IMPG2: variants seen among roughly 807,000 people sequenced by gnomAD.
IMPG2 encodes the protein interphotoreceptor matrix proteoglycan 2, also known as IPM 200.
A neutral mutation model predicts 129.2 loss-of-function variants in IMPG2; 91 were observed. The observed-to-expected ratio is 0.70, with a 90% CI of 0.59 to 0.84. IMPG2 has a LOEUF of 0.84. Ranked by LOEUF, IMPG2 falls within the 40% of genes least tolerant of loss-of-function variation. The pLI is 0.00. For missense variants in IMPG2, 1,430 were observed against 1,461.7 expected (o/e 0.98, Z 0.35); for synonymous variants, 510 against 517.7 (o/e 0.99, Z 0.20).
chr3:101,271,578 G>A (rs1478047676), intron 7 of IMPG2, among the ~76,000 whole-genome samples: 2 of 152,094 alleles, frequency 1.3e-5, no homozygotes, highest in Non-Finnish European at 2.9e-5. Flanking sequence ...TAACTAACTT[G>A]GCCAAGGTCA....
At chr3:101,245,761 G>T in intron 12 of IMPG2, 41 bp downstream of exon 12, 1 of 1,562,808 alleles carries the variant, frequency 6.4e-7, no homozygotes, top group Non-Finnish European at 8.8e-7. Flanking sequence ...CCCTGTCATC[G>T]GATACAATAA....
Position 101,275,684 on chromosome 3 carries a change from G to C in IMPG2, c.645C>G (p.Ser215Arg), listed in dbSNP as rs1706833136. The C allele has an allele frequency of 1.5e-5, 25 of 1,613,358 alleles. No homozygotes were observed. Among genetic ancestry groups the C allele is most frequent in the Non-Finnish European group, 1.9e-5 (22 of 1,179,438 alleles). The change falls in exon 6 of 19, where the codon AGC becomes AGG. Residue 215 changes from serine to arginine, a missense_variant. Ser to Arg is a moderately radical substitution (Grantham distance 110). Transcript: ENST00000193391. ...VDAYEGASES[S>R]LERPEESISN... ...TCACACTCTCCTCTGGCCTTTCCAA[G>C]CTGCTCTCTGAGGCACCTTCATAGG...
chr3:101,292,202 C>T (rs1707025714), intron 3 of IMPG2, among the ~76,000 whole-genome samples: 1 of 152,140 alleles, frequency 6.6e-6, no homozygotes, highest in South Asian at 2.1e-4. Flanking sequence ...TTCTAAATAC[C>T]TCTCATTGCA....
At chr3:101,280,463 C>A (rs1191770345) in intron 4 of IMPG2, among the ~76,000 whole-genome samples, 1 of 152,118 alleles carries the variant, frequency 6.6e-6, no homozygotes, top group Non-Finnish European at 1.5e-5. Flanking sequence ...CTCTGGGCCT[C>A]AAAAACTTAC....
chr3:101,249,109 C>T lies in IMPG2; in HGVS notation c.1240-3004G>A, dbSNP rs1316094226. Reference sequence around the variant, plus strand: ...AGCTGTCAGTGGGCTCTAGTAACAGCATTTCCTCTCCTTCCTCTGTAATCC... The same window carrying T: ...AGCTGTCAGTGGGCTCTAGTAACAGTATTTCCTCTCCTTCCTCTGTAATCC... On this transcript the variant is annotated intron_variant, in intron 11 of 18. Transcript: ENST00000193391. 2.6e-5 allele frequency among the ~76,000 whole-genome samples: 4 copies of T among 152,214 alleles called. No individual in the cohort carries two copies. The South Asian group carries it at 8.3e-4, about 32-fold the overall frequency.
chr3:101,295,984 A>T (rs1444607657), intron 3 of IMPG2, among the ~76,000 whole-genome samples: 1 of 152,154 alleles, frequency 6.6e-6, no homozygotes, highest in Non-Finnish European at 1.5e-5. Flanking sequence ...GGTTTTCTAA[A>T]CATAGAACCA....
At chr3:101,301,985 T>C (rs902680953) in intron 3 of IMPG2, among the ~76,000 whole-genome samples, 4 of 152,198 alleles carry the variant, frequency 2.6e-5, no homozygotes, top group Non-Finnish European at 4.4e-5. Flanking sequence ...TTATCCATTG[T>C]TTTAGTCTGA....
chr3:101,301,037 T>C lies in IMPG2; in HGVS notation c.501+3109A>G, dbSNP rs1309551037. On this transcript the variant is annotated intron_variant, in intron 3 of 18. Coordinates refer to ENST00000193391, the MANE Select transcript of IMPG2 (RefSeq NM_016247.4). ...AACTGGCCTAATCTCAATATTGCTG[T>C]AACTCAGGGAATAGGGAGGCCTGAG... Among the ~76,000 whole-genome samples the C allele has an allele frequency of 3.3e-5, 5 of 152,224 alleles. No homozygotes were observed. The East Asian group carries it at 9.6e-4, about 29-fold the overall frequency.
At chr3:101,305,695 C>T (rs1345273084) in intron 2 of IMPG2, among the ~76,000 whole-genome samples, 1 of 152,042 alleles carries the variant, frequency 6.6e-6, no homozygotes, top group African/African-American at 2.4e-5. Flanking sequence ...TACACACATA[C>T]ATACATACAC....
intron 9 of IMPG2, among the ~76,000 whole-genome samples, chr3:101,263,919 C>T (rs1706695955): frequency 1.4e-5 from 2 of 147,880 alleles, no homozygotes; most frequent in Non-Finnish European, 3.0e-5. Flanking sequence ...GACATCACAT[C>T]AAATACCACA....
At chr3:101,317,403 T>C (rs2058791332) in intron 2 of IMPG2, among the ~76,000 whole-genome samples, 1 of 152,128 alleles carries the variant, frequency 6.6e-6, no homozygotes, top group Non-Finnish European at 1.5e-5. Context: ...CAACTAGCAA[T>C]TGATACCAAA....
intron 4 of IMPG2, among the ~76,000 whole-genome samples, chr3:101,282,261 A>G (rs1356799454): frequency 6.6e-6 from 1 of 152,172 alleles, no homozygotes; most frequent in Non-Finnish European, 1.5e-5. Context: ...ATTCAAGCGG[A>G]GAAAGATAGG....
At chr3:101,258,290 A>C (rs549729118) in intron 9 of IMPG2, among the ~76,000 whole-genome samples, 1 of 152,260 alleles carries the variant, frequency 6.6e-6, no homozygotes, top group South Asian at 2.1e-4. Context: ...ATTTTCCTTT[A>C]AAATGTTGTG....
At chr3:101,308,302 C>T (rs985861457) in intron 2 of IMPG2, among the ~76,000 whole-genome samples, 5 of 152,204 alleles carry the variant, frequency 3.3e-5, no homozygotes, top group Non-Finnish European at 7.3e-5. Context: ...CCCCACATTT[C>T]CCTTCCACAC....
At chr3:101,281,658 C>T (rs1439513569) in intron 4 of IMPG2, among the ~76,000 whole-genome samples, 1 of 152,098 alleles carries the variant, frequency 6.6e-6, no homozygotes, top group African/African-American at 2.4e-5. Flanking sequence ...ATTAAGGTTG[C>T]AAGTAGAATT....
intron 2 of IMPG2, among the ~76,000 whole-genome samples, chr3:101,315,444 G>T (rs764275539): frequency 3.9e-5 from 6 of 152,176 alleles, no homozygotes; most frequent in Admixed American, 6.6e-5. Context: ...GCCTGAAATA[G>T]TGACACCTTT....
chr3:101,297,195 A>T (rs1707089047), intron 3 of IMPG2, among the ~76,000 whole-genome samples: 1 of 152,248 alleles, frequency 6.6e-6, no homozygotes. Flanking sequence ...GGCGTGAGCC[A>T]CCACGCCCGG....
intron 2 of IMPG2, 72 bp from the exon 3 acceptor site, chr3:101,304,384 A>T: frequency 7.4e-7 from 1 of 1,345,156 alleles, no homozygotes. Context: ...TCATAGACTG[A>T]TTCGTACAGA....
At chr3:101,230,890 GGT>G in intron 16 of IMPG2, 65 bp downstream of exon 16, 1 of 1,433,714 alleles carries the variant, frequency 7.0e-7, no homozygotes, top group African/African-American at 1.4e-5. Context: ...TTTGGCACCT[GGT>G]AAGTACTAAA....
Sources: allele counts gnomAD v4.1 joint callset (sites outside exome capture counted in the v4.1 genomes callset), GRCh38; gene constraint gnomAD v4.1.1; transcripts MANE v1.5; gene names NCBI Gene and HGNC (gene_info 2026-07-23, HGNC 2026-07-21).